Variants in CSDE1 observed in about 807,000 individuals in gnomAD.
CSDE1 encodes the protein cold shock domain containing E1.
A neutral mutation model predicts 89.3 loss-of-function variants in CSDE1; 17 were observed. The observed-to-expected ratio is 0.19, with a 90% CI of 0.13 to 0.29. The LOEUF is 0.29. CSDE1 is among the 10% of genes least tolerant of loss of function. The probability of loss-of-function intolerance (pLI) is 1.00; values close to 1 mark genes in which losing one functional copy is unlikely to be tolerated. For missense variants in CSDE1, 672 were observed against 984.2 expected, an observed-to-expected ratio of 0.68 and a Z score of 4.24; for synonymous variants, 322 against 332.8, an observed-to-expected ratio of 0.97 and a Z score of 0.35.
At chr1:114,746,404 C>A (rs1436716057) in intron 2 of CSDE1, 1 of 151,986 alleles carries the variant, frequency 6.6e-6, no homozygotes, top group African/African-American at 2.4e-5. Context: ...CGTAATGGAT[C>A]GTTTGTTCCC....
intron 16 of CSDE1, among the ~76,000 whole-genome samples, chr1:114,723,268 T>G (rs577265448): frequency 8.5e-4 from 130 of 152,364 alleles, no homozygotes; most frequent in African/African-American, 3.0e-3. Context: ...TATCATGTAT[T>G]TATTTTATGC....
chr1:114,718,065 T>C lies in CSDE1; in HGVS notation c.*104A>G, dbSNP rs994946001. 4 of 1,112,358 alleles carry C rather than the reference T, an allele frequency of 3.6e-6. No individual in the cohort carries two copies. In the African/African-American group the frequency reaches 4.6e-5, roughly 13 times the overall value. The allele number at this position is 1,112,358 out of a possible 1,614,324, so 68.9% of individuals were successfully genotyped here. On this transcript the variant is annotated 3_prime_UTR_variant, in exon 20 of 20. Transcript: ENST00000358528. Reference sequence around the variant, plus strand: ...TGGTGTAATAGCTCAATAGAATAAGTATTCCAGATTTCGGGAGGGATGAAG... The same window carrying C: ...TGGTGTAATAGCTCAATAGAATAAGCATTCCAGATTTCGGGAGGGATGAAG...
chr1:114,753,252 C>T (rs1322328047), intron 1 of CSDE1, among the ~76,000 whole-genome samples: 1 of 152,048 alleles, frequency 6.6e-6, no homozygotes, highest in Non-Finnish European at 1.5e-5. Context: ...ACTGTCAAGT[C>T]CAAGATTCAG....
chr1:114,726,039 C>T (rs1659777078), intron 14 of CSDE1, among the ~76,000 whole-genome samples, 172 bp downstream of exon 14: 1 of 152,156 alleles, frequency 6.6e-6, no homozygotes, highest in African/African-American at 2.4e-5. Flanking sequence ...TGGCCACAGG[C>T]TCTGTATATA....
intron 1 of CSDE1, among the ~76,000 whole-genome samples, chr1:114,755,836 G>A (rs1466944243): frequency 6.6e-6 from 1 of 152,130 alleles, no homozygotes; most frequent in Non-Finnish European, 1.5e-5. Context: ...CTGTCCAAAA[G>A]AACATCGTTC....
At chr1:114,739,265 T>C (rs1388170577) in intron 3 of CSDE1, among the ~76,000 whole-genome samples, 3 of 151,610 alleles carry the variant, frequency 2.0e-5, no homozygotes, top group East Asian at 3.9e-4. Context: ...TCTCCTGACC[T>C]CGTGATCTGC....
At position 114,734,051 on chromosome 1, in the gene CSDE1, T is replaced by C. The variant is rs1275092953; in HGVS notation, c.649A>G (p.Lys217Glu). 1 of 1,613,452 alleles carries C rather than the reference T, an allele frequency of 6.2e-7. No individual in the cohort carries two copies. Among genetic ancestry groups the C allele is most frequent in the South Asian group, 1.1e-5 (1 of 91,062 alleles). ...GGCTGTAAGGTTTCTAAGTCACCCTTAAATTCACTATAGTGAAAGAATATC... is the reference window on the plus strand; with the variant it reads ...GGCTGTAAGGTTTCTAAGTCACCCTCAAATTCACTATAGTGAAAGAATATC... ...KEIFFHYSEFKGDLETLQPGD... is the reference protein window; with the variant it reads ...KEIFFHYSEFEGDLETLQPGD... The change falls in exon 8 of 20, where the codon AAG becomes GAG. Residue 217 changes from lysine (K) to glutamate (E), a missense_variant. By Grantham distance (56) the Lys-to-Glu change is moderately conservative (BLOSUM62 1). Transcript: ENST00000358528.
At chr1:114,742,418 C>T (rs1338588428) in intron 2 of CSDE1, among the ~76,000 whole-genome samples, 5 of 152,042 alleles carry the variant, frequency 3.3e-5, no homozygotes, top group Non-Finnish European at 7.4e-5. Context: ...CCTGTCTCTA[C>T]CAAAAATACA....
chr1:114,743,144 TTTAA>T (rs577138541), intron 2 of CSDE1, among the ~76,000 whole-genome samples: 2 of 152,224 alleles, frequency 1.3e-5, no homozygotes, highest in African/African-American at 2.4e-5. Context: ...TGTTTGTTTA[TTTAA>T]TTAATTAATT....
chr1:114,733,699 C>A, intron 9 of CSDE1, 33 bp downstream of exon 9: 2 of 1,596,252 alleles, frequency 1.3e-6, no homozygotes, highest in South Asian at 1.1e-5. Flanking sequence ...ACTACTGAGG[C>A]GAAATAGGAC....
intron 2 of CSDE1, chr1:114,746,640 GAA>G (rs1440206276): frequency 6.6e-6 from 1 of 152,124 alleles, no homozygotes; most frequent in African/African-American, 2.4e-5. Context: ...GGTACTCACA[GAA>G]CTACTCATTA....
Position 114,718,359 on chromosome 1 carries a change from A to G in CSDE1, c.2350-143T>C, listed in dbSNP as rs547845335. The G allele has an allele frequency of 5.3e-5, 57 of 1,068,300 alleles. 1 individual carries two copies. The South Asian group carries it at 8.8e-4, about 16-fold the overall frequency. The allele number at this position is 1,068,300 out of a possible 1,614,324, so 66.2% of individuals were successfully genotyped here. ...GTACTAATTCTTTCCTAGAGGAGAAAATCCACAGTAAGCACTCCTGACCCA... is the reference window on the plus strand; with the variant it reads ...GTACTAATTCTTTCCTAGAGGAGAAGATCCACAGTAAGCACTCCTGACCCA... On this transcript the variant is annotated intron_variant, in intron 19 of 19. Transcript: ENST00000358528.
intron 16 of CSDE1, among the ~76,000 whole-genome samples, chr1:114,723,254 T>C (rs1302596916): frequency 6.6e-6 from 1 of 152,218 alleles, no homozygotes; most frequent in Non-Finnish European, 1.5e-5. Context: ...TTCTCTCCTA[T>C]TTCTATCATG....
At chr1:114,727,236 C>A in intron 12 of CSDE1, 146 bp from the exon 13 acceptor site, 1 of 592,440 alleles carries the variant, frequency 1.7e-6, no homozygotes, top group South Asian at 2.3e-5. Flanking sequence ...AAAGATTATT[C>A]ATATGAATAA....
Position 114,750,160 on chromosome 1 carries a change from T to G in CSDE1, c.-340A>C, listed in dbSNP as rs1661228013. 6.5e-6 allele frequency: 1 copy of G among 152,686 alleles called. No homozygotes were observed. The highest frequency in any genetic ancestry group is 2.1e-4 in the South Asian group (1 of 4,836). The allele number at this position is 152,686 out of a possible 1,614,324, so 9.5% of individuals were successfully genotyped here. ...GGTTTGTTCCTTGCCTGATCTGAAC[T>G]TGAAGCAGCAGTTTCAGGTGGTAAA... On this transcript the variant is annotated 5_prime_UTR_variant, in exon 2 of 20. Coordinates refer to ENST00000358528, the MANE Select transcript of CSDE1 (RefSeq NM_001007553.3).
chr1:114,740,772 G>A (rs528463396), intron 2 of CSDE1, among the ~76,000 whole-genome samples: 5 of 152,248 alleles, frequency 3.3e-5, no homozygotes, highest in East Asian at 3.9e-4. Flanking sequence ...AAAACAGGAC[G>A]AAATCCTTAG....
chr1:114,733,452 G>A (rs1660212989), intron 9 of CSDE1, among the ~76,000 whole-genome samples: 1 of 151,424 alleles, frequency 6.6e-6, no homozygotes, highest in Non-Finnish European at 1.5e-5. Flanking sequence ...CTTAAACCCG[G>A]GAGGCGGAGG....
At chr1:114,722,469 C>A (rs1659581575) in intron 16 of CSDE1, among the ~76,000 whole-genome samples, 1 of 152,172 alleles carries the variant, frequency 6.6e-6, no homozygotes, top group Admixed American at 6.5e-5. Flanking sequence ...ACTTCAAAGT[C>A]TTAGTATAAG....
intron 3 of CSDE1, among the ~76,000 whole-genome samples, chr1:114,739,233 G>A (rs1458106673): frequency 3.3e-5 from 5 of 151,850 alleles, no homozygotes; most frequent in Admixed American, 6.6e-5. Flanking sequence ...GGGTTTCACC[G>A]TGTTAGCCAG....
Sources: gnomAD v4.1 joint callset for allele counts (sites outside exome capture counted in the v4.1 genomes callset) on GRCh38, gnomAD v4.1.1 for gene constraint, MANE v1.5 for transcripts, NCBI Gene and HGNC (gene_info 2026-07-23, HGNC 2026-07-21) for gene names.